ESRRG: variants seen among roughly 807,000 people sequenced by gnomAD.
The protein encoded by ESRRG is estrogen related receptor gamma.
In ESRRG, 13 loss-of-function variants were observed where a neutral mutation model predicts 44.0. The observed-to-expected ratio is 0.30, with a 90% CI of 0.19 to 0.47. The LOEUF (loss-of-function observed/expected upper bound fraction) is 0.47. Ranked by LOEUF, ESRRG falls within the 20% of genes least tolerant of loss-of-function variation. ESRRG has a pLI of 1.00. For synonymous variants in ESRRG, 215 were observed against 214.6 expected, an observed-to-expected ratio of 1.00 and a Z score of -0.02; for missense variants, 395 against 580.6, an observed-to-expected ratio of 0.68 and a Z score of 3.29.
At chr1:217,008,954 T>G (rs1365836782) in intron 1 of ESRRG, among the ~76,000 whole-genome samples, 1 of 152,202 alleles carries the variant, frequency 6.6e-6, no homozygotes, top group African/African-American at 2.4e-5. Context: ...AGTGGCCAGA[T>G]TTCAAGATCA....
At chr1:216,740,700 A>G (rs1304883245) in intron 2 of ESRRG, among the ~76,000 whole-genome samples, 2 of 152,096 alleles carry the variant, frequency 1.3e-5, no homozygotes, top group Admixed American at 1.3e-4. Flanking sequence ...TTGTGGAGAA[A>G]TAATGCTTTC....
intron 2 of ESRRG, among the ~76,000 whole-genome samples, chr1:216,756,866 G>GT (rs1051325653): frequency 6.6e-6 from 1 of 151,904 alleles, no homozygotes; most frequent in Non-Finnish European, 1.5e-5. Flanking sequence ...ATATCTTTGG[G>GT]ATCCAACAGG....
At chr1:216,765,682 T>C (rs754473545) in intron 2 of ESRRG, among the ~76,000 whole-genome samples, 5 of 152,006 alleles carry the variant, frequency 3.3e-5, no homozygotes, top group Admixed American at 1.3e-4. Context: ...GAGGAAAACA[T>C]GAAACATGAT....
Position 216,935,825 on chromosome 1 carries a change from C to A in ESRRG, c.-14+3757G>T, listed in dbSNP as rs529017848. ...AGAGATGGGGTTTCACCATGTTGGC[C>A]AGGCTGGTCTTGAACTCCTGACCTC... On this transcript the variant is annotated intron_variant, in intron 2 of 7. Transcript: ENST00000359162. 3.9e-5 allele frequency among the ~76,000 whole-genome samples: 6 copies of A among 152,152 alleles called. No homozygotes were observed. The South Asian group carries it at 1.2e-3, about 32-fold the overall frequency.
chr1:216,799,200 A>G (rs747279541), intron 2 of ESRRG, among the ~76,000 whole-genome samples: 6 of 152,144 alleles, frequency 3.9e-5, no homozygotes, highest in Non-Finnish European at 7.4e-5. Flanking sequence ...AAACACTGAC[A>G]AAAGGGGAAG....
chr1:217,135,527 CGCGGCG>C (rs935042174), intron 1 of ESRRG, among the ~76,000 whole-genome samples: 1 of 151,266 alleles, frequency 6.6e-6, no homozygotes. Flanking sequence ...GGGGCGCGCG[CGCGGCG>C]GCGGCGGCGG....
At chr1:216,782,875 A>G (rs2093984671) in intron 2 of ESRRG, among the ~76,000 whole-genome samples, 1 of 152,088 alleles carries the variant, frequency 6.6e-6, no homozygotes, top group Admixed American at 6.6e-5. Flanking sequence ...TGAAAATAAA[A>G]AATATCTCTT....
At chr1:216,963,546 C>T (rs2576214) in intron 1 of ESRRG, among the ~76,000 whole-genome samples, 78,390 of 151,972 alleles carry the variant, frequency 0.52, 21,938 homozygotes, top group Middle Eastern at 0.7. Flanking sequence ...GGCTTCCTCT[C>T]GTACAAGTTG....
intron 1 of ESRRG, among the ~76,000 whole-genome samples, chr1:216,712,504 G>A (rs1269007237): frequency 2.6e-5 from 4 of 152,160 alleles, no homozygotes; most frequent in Non-Finnish European, 5.9e-5. Context: ...TATTGGCGAC[G>A]TGATGAATAC....
intron 2 of ESRRG, among the ~76,000 whole-genome samples, chr1:216,735,974 C>A (rs2089795096): frequency 3.1e-5 from 1 of 32,482 alleles, no homozygotes; most frequent in South Asian, 7.3e-4. Context: ...CAATACTCCC[C>A]ATCTCAAAAA....
At chr1:216,512,647 G>A (rs952070763) in intron 6 of ESRRG, among the ~76,000 whole-genome samples, 37 of 152,144 alleles carry the variant, frequency 2.4e-4, no homozygotes, top group South Asian at 2.1e-4. Context: ...CAGGGGTTAC[G>A]TTACAAGTTT....
rs114271403 is a variant in ESRRG at position 216,962,930 on chromosome 1, G to T, written c.-105-23257C>A. ...TATCAGTTCCTGTGTGCAGAGAATG[G>T]CTCCTGATATTGTGAAAATGTGGAA... On this transcript the variant is annotated intron_variant, in intron 1 of 7. Coordinates refer to the ESRRG transcript ENST00000359162. Among the ~76,000 whole-genome samples, 513 of 152,256 alleles carry T rather than the reference G, an allele frequency of 3.4e-3. 5 individuals are homozygous for T. The highest frequency in any genetic ancestry group is 8.9e-3 in the South Asian group (43 of 4,828).
intron 2 of ESRRG, among the ~76,000 whole-genome samples, chr1:216,794,865 C>T (rs145158996): frequency 1.3e-5 from 2 of 152,110 alleles, no homozygotes; most frequent in African/African-American, 4.8e-5. Context: ...GAACATGAAC[C>T]AGGATAATCT....
chr1:216,984,756 G>A (rs998446437), intron 1 of ESRRG, among the ~76,000 whole-genome samples: 1 of 152,166 alleles, frequency 6.6e-6, no homozygotes, highest in Non-Finnish European at 1.5e-5. Context: ...CAGATATTTG[G>A]TGACTAATCT....
At chr1:216,870,008 T>A (rs2096237813) in intron 2 of ESRRG, among the ~76,000 whole-genome samples, 1 of 151,978 alleles carries the variant, frequency 6.6e-6, no homozygotes, top group African/African-American at 2.4e-5. Context: ...TTTCCAATAA[T>A]CTTCTAGTAC....
intron 1 of ESRRG, among the ~76,000 whole-genome samples, chr1:217,063,950 A>C (rs963467187): frequency 3.3e-5 from 5 of 152,086 alleles, no homozygotes; most frequent in African/African-American, 1.2e-4. Flanking sequence ...GAAACTACTA[A>C]ACCCTGTGGT....
chr1:216,937,110 C>T (rs1158328549), intron 2 of ESRRG, among the ~76,000 whole-genome samples: 1 of 147,226 alleles, frequency 6.8e-6, no homozygotes, highest in Non-Finnish European at 1.5e-5. Context: ...TGTATAGTAA[C>T]AAAAAAAGAA....
intron 1 of ESRRG, among the ~76,000 whole-genome samples, chr1:216,960,265 T>A (rs2576223): frequency 0.51 from 77,623 of 151,858 alleles, 21,696 homozygotes; most frequent in Middle Eastern, 0.7. Flanking sequence ...TTATGAAACA[T>A]AATAACAGAA....
At chr1:216,810,238 G>T (rs565798766) in intron 2 of ESRRG, among the ~76,000 whole-genome samples, 3 of 152,074 alleles carry the variant, frequency 2.0e-5, no homozygotes, top group Non-Finnish European at 2.9e-5. Flanking sequence ...ATGCCTTTGC[G>T]CAAATGGCAG....
Sources: gnomAD v4.1 joint callset for allele counts (sites outside exome capture counted in the v4.1 genomes callset) on GRCh38, gnomAD v4.1.1 for gene constraint, MANE v1.5 for transcripts, NCBI Gene and HGNC (gene_info 2026-07-23, HGNC 2026-07-21) for gene names.